STAB2: variants seen among roughly 807,000 people sequenced by gnomAD.
The protein encoded by STAB2 is stabilin-2.
In STAB2, 288 loss-of-function variants were observed where a neutral mutation model predicts 338.1. That is an observed-to-expected ratio of 0.85 (90% CI 0.77 to 0.94). STAB2 has a LOEUF of 0.94. STAB2 is among the 40% of genes least tolerant of loss of function. The pLI, the probability that STAB2 is intolerant of heterozygous loss-of-function variation, is 0.00. For missense variants in STAB2, 3,141 were observed against 3,210.1 expected (o/e 0.98, Z 0.52); for synonymous variants, 1,202 against 1,193.3 (o/e 1.01, Z -0.15).
chr12:103,705,243 A>G (rs1252712377), intron 36 of STAB2, among the ~76,000 whole-genome samples: 1 of 152,230 alleles, frequency 6.6e-6, no homozygotes, highest in Non-Finnish European at 1.5e-5. Context: ...TAATCTTTGT[A>G]TGCAGCCTTA....
chr12:103,696,935 A>G (rs546077537), intron 33 of STAB2, among the ~76,000 whole-genome samples: 1 of 152,312 alleles, frequency 6.6e-6, no homozygotes, highest in South Asian at 2.1e-4. Flanking sequence ...TGTATTAAGT[A>G]TGTGGCTATG....
chr12:103,643,107 T>G (rs890633928), intron 9 of STAB2, among the ~76,000 whole-genome samples: 5 of 152,114 alleles, frequency 3.3e-5, no homozygotes, highest in Admixed American at 3.3e-4. Flanking sequence ...TGAAGCCTGA[T>G]TCATAGGTGG....
chr12:103,666,266 A>C, intron 18 of STAB2, 25 bp from the exon 19 acceptor site: 1 of 1,613,118 alleles, frequency 6.2e-7, no homozygotes, highest in Non-Finnish European at 8.5e-7. Flanking sequence ...GGACACCTGC[A>C]CTGACCTCCT....
At chr12:103,731,484 G>A in intron 49 of STAB2, 92 bp from the exon 50 acceptor site, 1 of 1,361,630 alleles carries the variant, frequency 7.3e-7, no homozygotes, top group Non-Finnish European at 1.0e-6. Flanking sequence ...GTCAGGTTAT[G>A]TTACCTTTAC....
At chr12:103,590,794 T>A in intron 1 of STAB2, 103 bp from the exon 2 acceptor site, 1 of 1,390,482 alleles carries the variant, frequency 7.2e-7, no homozygotes, top group Non-Finnish European at 1.0e-6. Context: ...GACGTTCCAT[T>A]GAGATGATTG....
chr12:103,740,828 A>G, intron 55 of STAB2, 72 bp downstream of exon 55: 1 of 1,483,136 alleles, frequency 6.7e-7, no homozygotes, highest in Non-Finnish European at 8.9e-7. Context: ...CAGTCTTTGA[A>G]TGTACCAAAA....
intron 56 of STAB2, among the ~76,000 whole-genome samples, chr12:103,743,021 T>TG (rs1247612226): frequency 1.2e-5 from 1 of 85,510 alleles, no homozygotes; most frequent in Non-Finnish European, 2.3e-5. Context: ...CAATTTTTTT[T>TG]TCTTTTTTTT....
intron 5 of STAB2, among the ~76,000 whole-genome samples, chr12:103,622,790 C>T (rs1593152700): frequency 6.6e-6 from 1 of 152,226 alleles, no homozygotes; most frequent in African/African-American, 2.4e-5. Flanking sequence ...GATTCCCTCT[C>T]CCCAGGCTCT....
At chr12:103,596,905 A>T (rs1331881145) in intron 3 of STAB2, among the ~76,000 whole-genome samples, 1 of 148,116 alleles carries the variant, frequency 6.8e-6, no homozygotes, top group Non-Finnish European at 1.5e-5. Flanking sequence ...ATGAGCCAAG[A>T]TCATGCCACT....
intron 34 of STAB2, among the ~76,000 whole-genome samples, chr12:103,702,245 C>A (rs1878947826): frequency 6.6e-6 from 1 of 151,310 alleles, no homozygotes. Context: ...TATGGACACG[C>A]TAAACAAGGA....
chr12:103,717,303 G>A (rs1336586962), intron 43 of STAB2, among the ~76,000 whole-genome samples: 1 of 152,206 alleles, frequency 6.6e-6, no homozygotes, highest in Non-Finnish European at 1.5e-5. Context: ...TTGATAGATT[G>A]TTTCCATGTG....
chr12:103,589,232 C>T (rs2138519785), intron 1 of STAB2, among the ~76,000 whole-genome samples: 1 of 152,282 alleles, frequency 6.6e-6, no homozygotes, highest in Admixed American at 6.5e-5. Flanking sequence ...GCAGTGGTGA[C>T]ATTTCCACCA....
chr12:103,736,951 C>T (rs1393445973), intron 52 of STAB2, among the ~76,000 whole-genome samples: 1 of 152,120 alleles, frequency 6.6e-6, no homozygotes, highest in Non-Finnish European at 1.5e-5. Flanking sequence ...GAGATTATTG[C>T]CAGCATTAAA....
At position 103,587,394 on chromosome 12, in the gene STAB2, C is replaced by A; in HGVS notation, c.-83C>A. The A allele has an allele frequency of 9.2e-7, 1 of 1,084,758 alleles. No individual in the cohort carries two copies. The highest frequency in any genetic ancestry group is 1.6e-5 in the African/African-American group (1 of 62,746). The allele number at this position is 1,084,758 out of a possible 1,614,324, so 67.2% of individuals were successfully genotyped here. The stretch of plus-strand genomic sequence containing the variant: ...GTAAACAGTGAAATGAGAAAGAATT[C>A]ACTGGGAGTTTATCAAACTAAGTTA... On this transcript the variant is annotated 5_prime_UTR_variant, in exon 1 of 69. The change creates a premature stop within an existing upstream ORF in the 5' untranslated region. Coordinates refer to ENST00000388887, the MANE Select transcript of STAB2 (RefSeq NM_017564.10).
At chr12:103,676,725 C>T (rs1876409260) in intron 24 of STAB2, among the ~76,000 whole-genome samples, 1 of 152,188 alleles carries the variant, frequency 6.6e-6, no homozygotes, top group Non-Finnish European at 1.5e-5. Context: ...CCCTAGTCAC[C>T]TTCATTCCTT....
chr12:103,687,908 G>A (rs1003839105), intron 27 of STAB2, among the ~76,000 whole-genome samples: 7 of 152,150 alleles, frequency 4.6e-5, no homozygotes, highest in African/African-American at 1.4e-4. Flanking sequence ...TGCTTCATTC[G>A]AAGTTCCTGG....
intron 9 of STAB2, among the ~76,000 whole-genome samples, chr12:103,644,468 C>T (rs2138708065): frequency 6.6e-6 from 1 of 151,018 alleles, no homozygotes; most frequent in East Asian, 2.0e-4. Flanking sequence ...ACCCTCCCTC[C>T]ACTATTGTCC....
Position 103,685,077 on chromosome 12 carries a change from C to A in STAB2, c.2990C>A (p.Ala997Glu), listed in dbSNP as rs541154627. 2.5e-6 allele frequency: 4 copies of A among 1,613,790 alleles called. No homozygotes were observed. The highest frequency in any genetic ancestry group is 3.4e-6 in the Non-Finnish European group (4 of 1,179,726). ...EGDGFLCYGN[A>E]AVELSFLSEA... is the part of the protein sequence containing the mutation. ...GATGGCTTTCTGTGCTATGGAAACG[C>A]AGCAGTGGTAAGTCATCGATGATGA... The change falls in exon 27 of 69, where the codon GCA becomes GAA. Residue 997 changes from alanine to glutamate, a missense_variant. By Grantham distance (107) the Ala-to-Glu change is moderately radical. Coordinates refer to ENST00000388887, the MANE Select transcript of STAB2 (RefSeq NM_017564.10).
intron 19 of STAB2, among the ~76,000 whole-genome samples, chr12:103,666,742 G>T (rs1369547046): frequency 1.3e-5 from 2 of 152,184 alleles, no homozygotes; most frequent in Non-Finnish European, 2.9e-5. Flanking sequence ...GTGCAGAACT[G>T]TCTGTAAACA....
Sources: allele counts gnomAD v4.1 joint callset (sites outside exome capture counted in the v4.1 genomes callset), GRCh38; gene constraint gnomAD v4.1.1; transcripts MANE v1.5; gene names NCBI Gene and HGNC (gene_info 2026-07-23, HGNC 2026-07-21).